WDR4: variants seen among roughly 807,000 people sequenced by gnomAD.
The protein encoded by WDR4 is WDR4 tRNA N7-guanosine methyltransferase non-catalytic subunit, also known as tRNA (guanine-N(7)-)-methyltransferase non-catalytic subunit WDR4.
Under a neutral mutation model 48.6 loss-of-function variants are expected in WDR4, and 47 were observed. The observed-to-expected ratio is 0.97, with a 90% confidence interval of 0.77 to 1.23. The LOEUF is 1.23. Among genes scored for constraint, WDR4 ranks in the 50% most tolerant of loss-of-function variants. WDR4 has a pLI of 0.00. For missense variants in WDR4, 606 were observed against 551.6 expected (o/e 1.10, Z -0.99); for synonymous variants, 268 against 230.0 (o/e 1.17, Z -1.49).
chr21:42,867,289 G>A (rs2058267410), intron 3 of WDR4, among the ~76,000 whole-genome samples: 2 of 151,858 alleles, frequency 1.3e-5, no homozygotes, highest in African/African-American at 2.4e-5. Context: ...TACTCAGGAG[G>A]CTGAGGCAGG....
intron 1 of WDR4, among the ~76,000 whole-genome samples, chr21:42,878,039 C>T (rs2058540429): frequency 1.2e-5 from 1 of 84,832 alleles, no homozygotes; most frequent in Non-Finnish European, 2.2e-5. Context: ...AGCGAGACTC[C>T]TCAAAAAAAA....
intron 3 of WDR4, among the ~76,000 whole-genome samples, chr21:42,870,162 C>G (rs573336444): frequency 3.2e-4 from 48 of 152,094 alleles, no homozygotes; most frequent in African/African-American, 1.1e-3. Flanking sequence ...ACCGGCCTGG[C>G]CAAAATGGCA....
chr21:42,888,508 C>T, the WDR4 span, among the ~76,000 whole-genome samples: 1 of 151,782 alleles, frequency 6.6e-6, no homozygotes, highest in Admixed American at 6.6e-5. Flanking sequence ...TGCAGTGAGC[C>T]GAGATAGAGC....
At chr21:42,863,855 C>A (rs928491503) in intron 3 of WDR4, among the ~76,000 whole-genome samples, 17 of 149,152 alleles carry the variant, frequency 1.1e-4, no homozygotes, top group African/African-American at 4.0e-4. Flanking sequence ...ACCTGTAATC[C>A]CAGCACTTTG....
At chr21:42,859,792 GC>G in intron 5 of WDR4, 70 bp from the exon 6 acceptor site, 1 of 1,480,326 alleles carries the variant, frequency 6.8e-7, no homozygotes, top group Non-Finnish European at 9.2e-7. Flanking sequence ...GCCTGGGGAG[GC>G]CGCCTGTTCA....
Position 42,853,595 on chromosome 21 carries a change from A to G in WDR4, c.949T>C (p.Tyr317His), listed in dbSNP as rs1218180742. ...QDCQEAPLVL[Y>H]RPVGDQWQSV... ...TGCCACTGGTCGCCCACAGGCCTGT[A>G]GAGCACCAGGGGGGCTTCCTGGCAG... is the stretch of plus-strand genomic sequence containing the variant. Residue 317 changes from tyrosine (Y) to histidine (H), a missense_variant, in exon 9 of 11, where the codon TAC becomes CAC. Transcript: ENST00000398208. 6.2e-7 allele frequency: 1 copy of G among 1,611,026 alleles called. No individual in the cohort carries two copies. The highest frequency in any genetic ancestry group is 1.7e-5 in the Admixed American group (1 of 59,676).
rs1201331372 is a variant in WDR4 at position 42,859,689 on chromosome 21, C to T, written c.600G>A (p.Gln200=). 6.5e-7 allele frequency: 1 copy of T among 1,543,412 alleles called. No individual in the cohort carries two copies. The highest frequency in any genetic ancestry group is 8.8e-7 in the Non-Finnish European group (1 of 1,141,260). ...CAGAGGAGGACAGAAGCAGCCCGGG[C>T]TGAGTTGGCACCACGGAGATACGGC... ...FVSRISVVPT[Q]PGLLLSSSGD... The change falls in exon 6 of 11, where the codon CAG becomes CAA. Residue 200 remains glutamine (Q), a synonymous_variant. Transcript: ENST00000398208.
chr21:42,855,804 T>C (rs1246582356), intron 6 of WDR4, 24 bp from the exon 7 acceptor site: 1 of 1,521,520 alleles, frequency 6.6e-7, no homozygotes, highest in Non-Finnish European at 8.9e-7. Flanking sequence ...ACACACAGGT[T>C]AGCACATGGT....
intron 2 of WDR4, among the ~76,000 whole-genome samples, chr21:42,876,212 T>C (rs2058487456): frequency 7.7e-6 from 1 of 129,856 alleles, no homozygotes; most frequent in African/African-American, 3.2e-5. Flanking sequence ...GCACTAACAC[T>C]GTACTCTTTT....
Position 42,876,700 on chromosome 21 carries a change from A to C in WDR4, c.155+2T>G. ...CCCTGAAAAAGCTTCCCCACATCTC[A>C]CCCTTTATTTTCTTGTGACTTCTTT... On this transcript the variant is annotated splice_donor_variant, in intron 2 of 10. Coordinates refer to ENST00000398208, the MANE Select transcript of WDR4 (RefSeq NM_018669.6). LOFTEE classifies it high-confidence loss of function. 1.2e-6 allele frequency: 2 copies of C among 1,613,292 alleles called. No homozygotes were observed. The highest frequency in any genetic ancestry group is 1.7e-6 in the Non-Finnish European group (2 of 1,179,732).
intron 3 of WDR4, among the ~76,000 whole-genome samples, chr21:42,872,893 C>A (rs376372612): frequency 6.6e-6 from 1 of 152,078 alleles, no homozygotes; most frequent in Non-Finnish European, 1.5e-5. Context: ...GCAAAGATCG[C>A]GCCATTGCAC....
rs1372042325 is a variant in WDR4, at chr21:42,873,591, T to G, written c.256A>C (p.Ile86Leu). Residue 86 changes from isoleucine (I) to leucine (L), a missense_variant, in exon 3 of 11, where the codon ATT becomes CTT. Physicochemically the swap from Ile to Leu is conservative, Grantham distance 5 (BLOSUM62 2). Transcript: ENST00000398208. The stretch of plus-strand genomic sequence containing the variant: ...TGCCATGGTTTTGTACGGAAAAGAA[T>G]CAGACGCTTACTGTCATCGGTTAAA... ...FALTDDSKRL[I>L]LFRTKPWQCL... is the part of the protein sequence containing the mutation. 1.2e-6 allele frequency: 2 copies of G among 1,614,040 alleles called. No homozygotes were observed. The highest frequency in any genetic ancestry group is 1.7e-6 in the Non-Finnish European group (2 of 1,180,038).
downstream of WDR4, among the ~76,000 whole-genome samples, chr21:42,846,389 C>CA (rs2057711522): frequency 1.3e-5 from 2 of 152,200 alleles, no homozygotes; most frequent in African/African-American, 4.8e-5. Flanking sequence ...GGCCAGCATG[C>CA]CTGTGCAGTG....
rs191366000 is a variant in WDR4 at position 42,864,701 on chromosome 21, G to C, written c.297-1105C>G. On this transcript the variant is annotated intron_variant, in intron 3 of 10. Coordinates refer to ENST00000398208, the MANE Select transcript of WDR4 (RefSeq NM_018669.6). Reference sequence around the variant, plus strand: ...TGCTTCAGCAAGAACCAAAGTCACAGTTCGCTCCCTCTCCTTCGCCAGGGC... The same window carrying C: ...TGCTTCAGCAAGAACCAAAGTCACACTTCGCTCCCTCTCCTTCGCCAGGGC... Among the ~76,000 whole-genome samples, 7 of 152,320 alleles carry C rather than the reference G, an allele frequency of 4.6e-5. No individual in the cohort carries two copies. In the East Asian group the frequency reaches 1.3e-3, roughly 29 times the overall value.
At chr21:42,852,744 C>A (rs2057867342) in intron 9 of WDR4, among the ~76,000 whole-genome samples, 1 of 152,090 alleles carries the variant, frequency 6.6e-6, no homozygotes, top group South Asian at 2.1e-4. Flanking sequence ...GGAGAAACCC[C>A]GTCTCTACTA....
At chr21:42,887,239 A>C in the WDR4 span, among the ~76,000 whole-genome samples, 1 of 150,796 alleles carries the variant, frequency 6.6e-6, no homozygotes, top group Non-Finnish European at 1.5e-5. Context: ...TGATCCGCCC[A>C]CCTTGGCCTC....
At chr21:42,859,387 T>C (rs549809472) in intron 6 of WDR4, among the ~76,000 whole-genome samples, 23 of 152,242 alleles carry the variant, frequency 1.5e-4, no homozygotes, top group African/African-American at 5.1e-4. Context: ...GATACCATCG[T>C]AGATGCAGCA....
chr21:42,857,995 G>A (rs1236634), intron 6 of WDR4, among the ~76,000 whole-genome samples: 98,380 of 151,994 alleles, frequency 0.65, 33,708 homozygotes, highest in African/African-American at 0.87. Flanking sequence ...GGAGGCCTGA[G>A]GTGGGAGGAT....
chr21:42,868,021 TCCA>T (rs1569330331), intron 3 of WDR4, among the ~76,000 whole-genome samples: 1 of 152,132 alleles, frequency 6.6e-6, no homozygotes, highest in Non-Finnish European at 1.5e-5. Flanking sequence ...GGTATCTGCA[TCCA>T]CCACGAGTCC....
Sources: allele counts gnomAD v4.1 joint callset (sites outside exome capture counted in the v4.1 genomes callset), GRCh38; gene constraint gnomAD v4.1.1; transcripts MANE v1.5; gene names NCBI Gene and HGNC (gene_info 2026-07-23, HGNC 2026-07-21).